Variants in RAB27B observed in about 807,000 individuals in gnomAD.
The protein encoded by RAB27B is ras-related protein Rab-27B.
RAB27B carries 15 observed loss-of-function variants against 24.6 expected under a neutral mutation model. The observed-to-expected ratio is 0.61, with a 90% CI of 0.41 to 0.94. RAB27B has a LOEUF of 0.94. Among genes scored for constraint, RAB27B ranks in the 40% least tolerant of loss-of-function variants. The pLI is 0.00. For missense variants in RAB27B, 261 were observed against 266.8 expected, an observed-to-expected ratio of 0.98 and a Z score of 0.15; for synonymous variants, 105 against 92.5, an observed-to-expected ratio of 1.14 and a Z score of -0.78.
At chr18:54,808,985 A>C (rs1909879659) in intron 2 of RAB27B, among the ~76,000 whole-genome samples, 1 of 152,202 alleles carries the variant, frequency 6.6e-6, no homozygotes, top group African/African-American at 2.4e-5. Flanking sequence ...CCACAGAAGA[A>C]CTTTTCCTTA....
At chr18:54,827,906 G>T (rs4801099), upstream of RAB27B, among the ~76,000 whole-genome samples, 145,032 of 152,240 alleles carry the variant, frequency 0.95, 69,517 homozygotes, top group East Asian at 1. Context: ...AACAAATACT[G>T]GTTCAATGCC....
intron 2 of RAB27B, among the ~76,000 whole-genome samples, chr18:54,790,286 G>A (rs1909208965): frequency 6.6e-6 from 1 of 152,052 alleles, no homozygotes; most frequent in Non-Finnish European, 1.5e-5. Context: ...GTAAAAGTGA[G>A]GCTTAGCAGC....
intron 2 of RAB27B, among the ~76,000 whole-genome samples, chr18:54,804,982 TCC>T: frequency 3.1e-5 from 2 of 64,838 alleles, no homozygotes; most frequent in Non-Finnish European, 3.8e-5. Context: ...CTGCCTTCCT[TCC>T]TTTTTTTTTT....
chr18:54,805,990 G>C (rs978089708), intron 2 of RAB27B, among the ~76,000 whole-genome samples: 4 of 152,120 alleles, frequency 2.6e-5, no homozygotes, highest in Non-Finnish European at 5.9e-5. Flanking sequence ...TTTGTACCAG[G>C]TCACTCAATT....
At chr18:54,840,320 G>C (rs761262934) in intron 1 of RAB27B, among the ~76,000 whole-genome samples, 6 of 152,116 alleles carry the variant, frequency 3.9e-5, no homozygotes, top group African/African-American at 2.4e-5. Flanking sequence ...TCAATGATTT[G>C]TTGGCCAGTC....
intron 2 of RAB27B, among the ~76,000 whole-genome samples, chr18:54,755,786 A>G (rs528635959): frequency 1.7e-4 from 26 of 152,344 alleles, no homozygotes; most frequent in African/African-American, 5.5e-4. Context: ...TAGCACAGCC[A>G]TCAGAGTTCC....
At chr18:54,719,052 A>G (rs1909280148) in intron 2 of RAB27B, among the ~76,000 whole-genome samples, 3 of 151,738 alleles carry the variant, frequency 2.0e-5, no homozygotes, top group Admixed American at 2.0e-4. Flanking sequence ...ATAAACATGT[A>G]AGATAAAATT....
chr18:54,840,364 T>C (rs1169958643), intron 1 of RAB27B, among the ~76,000 whole-genome samples: 2 of 152,202 alleles, frequency 1.3e-5, no homozygotes, highest in Non-Finnish European at 2.9e-5. Context: ...AAAGTAGTTA[T>C]GACTAAAAAC....
At chr18:54,745,630 A>T (rs146223731) in intron 2 of RAB27B, 2,221 of 152,534 alleles carry the variant, frequency 0.015, 70 homozygotes, top group African/African-American at 0.051. Context: ...AATAAGCTTG[A>T]TGAAAAATAA....
intron 2 of RAB27B, among the ~76,000 whole-genome samples, chr18:54,777,319 C>T (rs1206199645): frequency 6.6e-6 from 1 of 152,122 alleles, no homozygotes; most frequent in Non-Finnish European, 1.5e-5. Flanking sequence ...AGAGAACTTG[C>T]AGTTCTCTTA....
chr18:54,887,110 G>A (rs141612367), intron 4 of RAB27B, among the ~76,000 whole-genome samples: 3 of 134,690 alleles, frequency 2.2e-5, no homozygotes, highest in Non-Finnish European at 4.7e-5. Context: ...CCCACACATA[G>A]TGTTTTTTGG....
At chr18:54,740,436 C>G (rs1910037871) in intron 2 of RAB27B, among the ~76,000 whole-genome samples, 1 of 152,144 alleles carries the variant, frequency 6.6e-6, no homozygotes, top group African/African-American at 2.4e-5. Context: ...TTTCCAGAAC[C>G]TATTTTTATT....
At chr18:54,801,883 G>A (rs1034601806) in intron 2 of RAB27B, among the ~76,000 whole-genome samples, 1 of 152,140 alleles carries the variant, frequency 6.6e-6, no homozygotes, top group South Asian at 2.1e-4. Context: ...TATTAAAATT[G>A]TCAGTCCTAT....
At chr18:54,738,088 A>C (rs1202924426) in intron 2 of RAB27B, among the ~76,000 whole-genome samples, 1 of 152,178 alleles carries the variant, frequency 6.6e-6, no homozygotes, top group African/African-American at 2.4e-5. Flanking sequence ...TGTAAGAGAG[A>C]AGAGCCTACG....
In RAB27B at chr18:54,877,400, A is replaced by G. The variant is rs1467924000; in HGVS notation, c.-19-167A>G. ...AGATTTGTACTGAGTAAAACATTAG[A>G]TGTGCCTTCACCCCTAAAGCTGCTT... On this transcript the variant is annotated intron_variant, in intron 1 of 5. Transcript: ENST00000262094. 2.6e-5 allele frequency among the ~76,000 whole-genome samples: 4 copies of G among 152,172 alleles called. No individual in the cohort carries two copies. In the East Asian group the frequency reaches 7.7e-4, roughly 29 times the overall value.
At chr18:54,800,989 A>G (rs1909582639) in intron 2 of RAB27B, among the ~76,000 whole-genome samples, 1 of 144,948 alleles carries the variant, frequency 6.9e-6, no homozygotes, top group South Asian at 2.2e-4. Flanking sequence ...TTGAATTTTT[A>G]AATTTGTTTT....
chr18:54,719,014 G>A (rs1439383956), intron 2 of RAB27B, among the ~76,000 whole-genome samples: 1 of 150,398 alleles, frequency 6.6e-6, no homozygotes, highest in East Asian at 2.0e-4. Context: ...AAAATATTGA[G>A]TTCTGCTAGT....
chr18:54,718,846 G>T (rs1232858833), intron 2 of RAB27B, among the ~76,000 whole-genome samples: 1 of 152,162 alleles, frequency 6.6e-6, no homozygotes, highest in Non-Finnish European at 1.5e-5. Context: ...AATTGAAGGT[G>T]CTTTTTAAGA....
At chr18:54,830,848 G>A (rs757371567) in intron 1 of RAB27B, among the ~76,000 whole-genome samples, 35 of 152,132 alleles carry the variant, frequency 2.3e-4, no homozygotes, top group Admixed American at 5.9e-4. Context: ...AATAAGGAGA[G>A]TAACACTCTG....
Sources: gnomAD v4.1 joint callset for allele counts (sites outside exome capture counted in the v4.1 genomes callset) on GRCh38, gnomAD v4.1.1 for gene constraint, MANE v1.5 for transcripts, NCBI Gene and HGNC (gene_info 2026-07-23, HGNC 2026-07-21) for gene names.